RPS6KC1: variants seen among roughly 807,000 people sequenced by gnomAD.
The protein encoded by RPS6KC1 is ribosomal protein S6 kinase C1, also known as inactive ribosomal protein S6 kinase delta-1.
Under a neutral mutation model 103.8 loss-of-function variants are expected in RPS6KC1, and 54 were observed. The observed-to-expected ratio is 0.52, with a 90% CI of 0.42 to 0.65. RPS6KC1 has a LOEUF of 0.65. Among genes scored for constraint, RPS6KC1 ranks in the 30% least tolerant of loss-of-function variants. The pLI, the probability that RPS6KC1 is intolerant of heterozygous loss-of-function variation, is 0.00. For missense variants in RPS6KC1, 1,151 were observed against 1,253.8 expected (o/e 0.92, Z 1.24); for synonymous variants, 439 against 438.7 (o/e 1.00, Z -0.01).
the RPS6KC1 span, among the ~76,000 whole-genome samples, chr1:213,639,038 A>G: frequency 0.13 from 19,683 of 152,106 alleles, 1,892 homozygotes; most frequent in African/African-American, 0.27. Flanking sequence ...ATCAGCATAC[A>G]GTTTTCAGCA....
intron 8 of RPS6KC1, among the ~76,000 whole-genome samples, chr1:213,219,435 G>T (rs1236484568): frequency 6.6e-6 from 1 of 152,206 alleles, no homozygotes; most frequent in African/African-American, 2.4e-5. Flanking sequence ...TTCAACCATT[G>T]TGGAAGTCAG....
At chr1:213,372,490 G>A in the RPS6KC1 span, among the ~76,000 whole-genome samples, 1 of 152,170 alleles carries the variant, frequency 6.6e-6, no homozygotes, top group Non-Finnish European at 1.5e-5. Flanking sequence ...AGCAGGCTGG[G>A]TGTCTGCCCG....
At chr1:213,809,201 C>A in the RPS6KC1 span, among the ~76,000 whole-genome samples, 1 of 152,114 alleles carries the variant, frequency 6.6e-6, no homozygotes, top group African/African-American at 2.4e-5. Flanking sequence ...CCTAAAATGT[C>A]TCATGGAATA....
At chr1:213,613,238 T>G in the RPS6KC1 span, among the ~76,000 whole-genome samples, 1 of 152,258 alleles carries the variant, frequency 6.6e-6, no homozygotes, top group Non-Finnish European at 1.5e-5. Context: ...GATAATTTTC[T>G]CTGTCCCAAA....
the RPS6KC1 span, among the ~76,000 whole-genome samples, chr1:213,297,660 A>G: frequency 6.6e-6 from 1 of 151,884 alleles, no homozygotes; most frequent in Non-Finnish European, 1.5e-5. Context: ...ACAGGATCTT[A>G]CTCTGTCACC....
the RPS6KC1 span, among the ~76,000 whole-genome samples, chr1:213,456,594 G>C: frequency 6.6e-6 from 1 of 152,154 alleles, no homozygotes; most frequent in African/African-American, 2.4e-5. Flanking sequence ...TAGCTGGGTG[G>C]ATTGAGGAGT....
At chr1:213,832,933 C>A in the RPS6KC1 span, among the ~76,000 whole-genome samples, 1 of 152,246 alleles carries the variant, frequency 6.6e-6, no homozygotes, top group African/African-American at 2.4e-5. Context: ...CCTAACTTAG[C>A]TGCAGCCTGA....
chr1:213,291,720 G>A, the RPS6KC1 span, among the ~76,000 whole-genome samples: 1 of 152,328 alleles, frequency 6.6e-6, no homozygotes. Context: ...AAGAGGTGTA[G>A]TGGGGATATT....
chr1:213,703,884 T>C, the RPS6KC1 span, among the ~76,000 whole-genome samples: 1 of 152,186 alleles, frequency 6.6e-6, no homozygotes, highest in African/African-American at 2.4e-5. Flanking sequence ...TCTAGGAAGT[T>C]CTCTTTTATT....
rs1245462521 is a variant in RPS6KC1 at position 213,068,913 on chromosome 1, G to GTGTA, written c.106-2092_106-2091insGTAT. 2.3e-3 allele frequency among the ~76,000 whole-genome samples: 328 copies of GTGTA among 145,512 alleles called. 1 individual carries two copies. The highest frequency in any genetic ancestry group is 8.0e-3 in the African/African-American group (307 of 38,608). On this transcript the variant is annotated intron_variant, in intron 1 of 14. Transcript: ENST00000366960. ...TGTGTGTGTGTGTGTGTGTGTGTGTGTATGCCGACTGTGGTGTGCCTATAG... is the reference window on the plus strand; with the variant it reads ...TGTGTGTGTGTGTGTGTGTGTGTGTGTGTATATGCCGACTGTGGTGTGCCTATAG...
the RPS6KC1 span, among the ~76,000 whole-genome samples, chr1:213,709,060 C>T: frequency 6.6e-6 from 1 of 152,232 alleles, no homozygotes; most frequent in East Asian, 1.9e-4. Context: ...ATATGCTGAC[C>T]TCCTAAAATG....
the RPS6KC1 span, among the ~76,000 whole-genome samples, chr1:213,544,775 T>C: frequency 1.3e-5 from 2 of 152,200 alleles, no homozygotes. Flanking sequence ...CCTTTACTAT[T>C]CACCTTAGAG....
the RPS6KC1 span, among the ~76,000 whole-genome samples, chr1:213,312,073 T>A: frequency 6.6e-6 from 1 of 152,004 alleles, no homozygotes; most frequent in Admixed American, 6.5e-5. Flanking sequence ...AATTTTTGTA[T>A]TTTTAGTAAA....
the RPS6KC1 span, among the ~76,000 whole-genome samples, chr1:213,784,702 G>T: frequency 6.6e-6 from 1 of 152,314 alleles, no homozygotes; most frequent in East Asian, 1.9e-4. Flanking sequence ...AAGCTGGAGA[G>T]TGCCAACTGG....
chr1:213,588,586 ACCATGCCCGG>A, the RPS6KC1 span, among the ~76,000 whole-genome samples: 5 of 152,110 alleles, frequency 3.3e-5, no homozygotes, highest in African/African-American at 7.2e-5. Flanking sequence ...GGCGTGAGAC[ACCATGCCCGG>A]CCTCTGTCTC....
chr1:213,704,171 A>G, the RPS6KC1 span, among the ~76,000 whole-genome samples: 21 of 151,644 alleles, frequency 1.4e-4, no homozygotes, highest in South Asian at 1.3e-3. Context: ...GCGGATCACG[A>G]GGTCAGGAGA....
In RPS6KC1 at chr1:213,106,946, C is replaced by CT. The variant is rs1227451468; in HGVS notation, c.378+2387dup. 4.5e-3 allele frequency among the ~76,000 whole-genome samples: 669 copies of CT among 149,296 alleles called. 4 individuals carry two copies. The highest frequency in any genetic ancestry group is 0.016 in the African/African-American group (639 of 40,818). ...ACATCCAATTGTATTTTATTTTATT[C>CT]TTTTTTTTTTCTGAGACAGAATCTC... On this transcript the variant is annotated intron_variant, in intron 4 of 14. Transcript: ENST00000366960.
the RPS6KC1 span, among the ~76,000 whole-genome samples, chr1:213,813,615 TGTTA>T: frequency 6.6e-6 from 1 of 152,220 alleles, no homozygotes; most frequent in Non-Finnish European, 1.5e-5. Context: ...TTTTATTTAC[TGTTA>T]GTTTCTCACT....
the RPS6KC1 span, among the ~76,000 whole-genome samples, chr1:213,447,544 C>T: frequency 1.1e-4 from 16 of 152,302 alleles, no homozygotes; most frequent in Admixed American, 6.5e-4. Flanking sequence ...ATACTCATGG[C>T]ATATCACCAT....
Sources: gnomAD v4.1 joint callset for allele counts (sites outside exome capture counted in the v4.1 genomes callset) on GRCh38, gnomAD v4.1.1 for gene constraint, MANE v1.5 for transcripts, NCBI Gene and HGNC (gene_info 2026-07-23, HGNC 2026-07-21) for gene names.